Variants in ARHGAP32 observed in about 807,000 individuals in gnomAD.
ARHGAP32 encodes Rho GTPase activating protein 32.
Under a neutral mutation model 186.5 loss-of-function variants are expected in ARHGAP32, and 51 were observed. The ratio of observed to expected loss-of-function variants is 0.27; its 90% CI spans 0.22 to 0.35. The LOEUF (loss-of-function observed/expected upper bound fraction) is 0.35, where lower values mean the gene tolerates loss of function less well. Among genes scored for constraint, ARHGAP32 ranks in the 10% least tolerant of loss-of-function variants. The pLI is 1.00. For synonymous variants in ARHGAP32, 950 were observed against 964.3 expected (o/e 0.99, Z 0.27); for missense variants, 2,186 against 2,623.5 (o/e 0.83, Z 3.64).
chr11:129,192,055 A>T, intron 1 of ARHGAP32, 28 bp downstream of exon 1: 1 of 1,551,368 alleles, frequency 6.4e-7, no homozygotes, highest in Non-Finnish European at 8.9e-7. Context: ...AGTGGACAGG[A>T]CAAAGGAACT....
chr11:129,186,013 T>C (rs996709464), intron 1 of ARHGAP32, among the ~76,000 whole-genome samples: 7 of 152,206 alleles, frequency 4.6e-5, no homozygotes, highest in South Asian at 4.1e-4. Flanking sequence ...AGCTAGTCAC[T>C]TGACATATTT....
chr11:129,093,131 T>C (rs1006609882), intron 6 of ARHGAP32, among the ~76,000 whole-genome samples: 49 of 152,082 alleles, frequency 3.2e-4, no homozygotes, highest in African/African-American at 1.1e-3. Context: ...ATGTCTCAGT[T>C]AGAAAAAGTG....
chr11:129,104,630 A>T (rs1941999066), intron 5 of ARHGAP32, among the ~76,000 whole-genome samples: 1 of 151,928 alleles, frequency 6.6e-6, no homozygotes, highest in African/African-American at 2.4e-5. Context: ...GGAAGGCATA[A>T]GGAGAGAGAA....
chr11:129,093,527 C>T, intron 6 of ARHGAP32, 94 bp downstream of exon 6: 1 of 847,250 alleles, frequency 1.2e-6, no homozygotes, highest in East Asian at 2.7e-5. Flanking sequence ...TGGATTATAT[C>T]CTTTAGGCAA....
chr11:129,155,369 A>G (rs1943378026), intron 2 of ARHGAP32, among the ~76,000 whole-genome samples: 1 of 152,228 alleles, frequency 6.6e-6, no homozygotes, highest in Admixed American at 6.5e-5. Flanking sequence ...GCACAGGTGA[A>G]TATCTATTAT....
In ARHGAP32 at chr11:128,970,722, A is replaced by G. The variant is rs1945342613; in HGVS notation, c.4491T>C (p.Thr1497=). The part of the protein sequence containing the change: ...YSSFARPDVT[T]EPFGPDNCLH... ...AACAGTTATCTGGACCAAAGGGTTCAGTGGTGACATCGGGCCTAGCAAAGG... is the reference window on the plus strand; with the variant it reads ...AACAGTTATCTGGACCAAAGGGTTCGGTGGTGACATCGGGCCTAGCAAAGG... Residue 1497 remains threonine (T), a synonymous_variant, in exon 23 of 23, where the codon ACT becomes ACC. Coordinates refer to ENST00000682385, the MANE Select transcript of ARHGAP32 (RefSeq NM_001378024.1). This position sits in a 1 kb window ranked among gnomAD's most constrained non-coding sequence, Gnocchi z 5.8. 3.1e-6 allele frequency: 5 copies of G among 1,614,100 alleles called. No homozygotes were observed. The African/African-American group carries it at 5.3e-5, about 17-fold the overall frequency.
chr11:129,201,402 AATC>A (rs570299606), intron 1 of ARHGAP32, among the ~76,000 whole-genome samples: 31 of 152,274 alleles, frequency 2.0e-4, no homozygotes, highest in African/African-American at 7.2e-4. Context: ...TACATTCTAT[AATC>A]ATCATCTCAT....
Position 129,075,171 on chromosome 11 carries a change from CT to C in ARHGAP32, c.532-8304del, listed in dbSNP as rs1267547244. Among the ~76,000 whole-genome samples, 5 of 152,290 alleles carry C rather than the reference CT, an allele frequency of 3.3e-5. No homozygotes were observed. In the East Asian group the frequency reaches 9.6e-4, roughly 29 times the overall value. ...ATTAATCCAACTACATCAATAATCA[CT>C]TTAAACATCAGTGGTCTAACATACC... is the stretch of plus-strand genomic sequence containing the variant. On this transcript the variant is annotated intron_variant, in intron 6 of 22. Transcript: ENST00000682385.
intron 6 of ARHGAP32, among the ~76,000 whole-genome samples, chr11:129,085,310 G>A (rs1478548437): frequency 6.6e-6 from 1 of 152,110 alleles, no homozygotes; most frequent in Non-Finnish European, 1.5e-5. Context: ...ACAGGCATGA[G>A]CCAGCACACA....
chr11:129,196,823 A>G (rs1272778542), upstream of ARHGAP32, among the ~76,000 whole-genome samples: 1 of 152,094 alleles, frequency 6.6e-6, no homozygotes, highest in East Asian at 1.9e-4. Context: ...TTGAGAGGCC[A>G]AGGCAGGGAG....
intron 1 of ARHGAP32, among the ~76,000 whole-genome samples, chr11:129,275,092 G>C (rs540532627): frequency 6.6e-6 from 1 of 152,140 alleles, no homozygotes; most frequent in Non-Finnish European, 1.5e-5. Flanking sequence ...ACAGCATACA[G>C]GAAATTTCTC....
chr11:129,020,921 C>T (rs908001618), intron 11 of ARHGAP32, among the ~76,000 whole-genome samples: 5 of 151,994 alleles, frequency 3.3e-5, no homozygotes, highest in Non-Finnish European at 7.4e-5. Context: ...AGTTCTTTAA[C>T]TGATGTATAT....
chr11:129,146,440 C>T (rs1787519780), intron 2 of ARHGAP32, among the ~76,000 whole-genome samples: 1 of 152,134 alleles, frequency 6.6e-6, no homozygotes, highest in East Asian at 1.9e-4. Flanking sequence ...ATATGCTACA[C>T]ATACATTAGT....
chr11:128,969,140 C>T lies in ARHGAP32; in HGVS notation c.6073G>A (p.Gly2025Ser), dbSNP rs770494335. 20 of 1,607,452 alleles carry T rather than the reference C, an allele frequency of 1.2e-5. 1 individual carries two copies. The Admixed American group carries it at 2.3e-4, about 19-fold the overall frequency. Residue 2025 changes from glycine (G) to serine (S), a missense_variant, in exon 23 of 23, where the codon GGC becomes AGC. Around this residue, in one of 5 missense-constraint regions of ARHGAP32, gnomAD observed 1,502 missense variants for 1,570.0 expected, o/e 0.96. Transcript: ENST00000682385. This position sits in a 1 kb window ranked among gnomAD's most constrained non-coding sequence, Gnocchi z 4.8. ...PSVLYQYQPHGKRQSSVTVVS... is the reference protein window; with the variant it reads ...PSVLYQYQPHSKRQSSVTVVS... ...ACAGTCACACTGCTCTGGCGCTTGC[C>T]GTGTGGTTGGTACTGGTACAGCACA...
chr11:129,144,525 G>A (rs1943128953), intron 2 of ARHGAP32, among the ~76,000 whole-genome samples: 1 of 151,970 alleles, frequency 6.6e-6, no homozygotes, highest in Admixed American at 6.6e-5. Context: ...TTAATATCTG[G>A]GCACCACAGA....
At chr11:129,240,322 G>GA (rs532629165) in intron 1 of ARHGAP32, among the ~76,000 whole-genome samples, 53 of 147,274 alleles carry the variant, frequency 3.6e-4, no homozygotes, top group African/African-American at 1.2e-3. Context: ...TGACCTTGGG[G>GA]AAAAAAAAAA....
Position 129,181,268 on chromosome 11 carries a change from A to T in ARHGAP32, c.116+10815T>A, listed in dbSNP as rs373046610. Among the ~76,000 whole-genome samples the T allele has an allele frequency of 1.8e-3, 274 of 152,228 alleles. 7 individuals carry two copies. In the South Asian group the frequency reaches 0.055, roughly 30 times the overall value. On this transcript the variant is annotated intron_variant, in intron 1 of 22. Transcript: ENST00000682385. Reference sequence around the variant, plus strand: ...GTCCATTTTATGGTCAGACCATTTGATATCTACTCTCTATTAGCAACAGAG... The same window carrying T: ...GTCCATTTTATGGTCAGACCATTTGTTATCTACTCTCTATTAGCAACAGAG...
chr11:129,176,650 C>G (rs1346445573), intron 1 of ARHGAP32, among the ~76,000 whole-genome samples: 2 of 150,520 alleles, frequency 1.3e-5, no homozygotes, highest in Non-Finnish European at 3.0e-5. Flanking sequence ...AACCGCTCAA[C>G]TACATGGAAA....
chr11:128,980,554 T>G lies in ARHGAP32; in HGVS notation c.1975A>C (p.Arg659=), dbSNP rs753861922. ...AAAATAGGATTTAACAAATTTTACC[T>G]TTCAAGTGGGAACTCAATTATGGTA... ...FHTIIEFPLE[R]KRPQNKMKKS... is the part of the protein sequence containing the mutation. Residue 659 remains arginine (R), a splice_region_variant and synonymous_variant, in exon 18 of 23, where the codon AGA becomes CGA. Transcript: ENST00000682385. 7 of 1,602,420 alleles carry G rather than the reference T, an allele frequency of 4.4e-6. No homozygotes were observed. The South Asian group carries it at 7.9e-5, about 18-fold the overall frequency.
Sources: gnomAD v4.1 joint callset for allele counts (sites outside exome capture counted in the v4.1 genomes callset) on GRCh38, gnomAD v4.1.1 for gene constraint, gnomAD v4.1.1 regional missense constraint, Gnocchi (gnomAD v3.1) non-coding constraint, MANE v1.5 for transcripts, NCBI Gene and HGNC (gene_info 2026-07-23, HGNC 2026-07-21) for gene names.